Variants in NUDT3 observed in about 807,000 individuals in gnomAD.
NUDT3 encodes diphosphoinositol polyphosphate phosphohydrolase 1.
Under a neutral mutation model 23.6 loss-of-function variants are expected in NUDT3, and 9 were observed. The observed-to-expected ratio is 0.38, with a 90% CI of 0.23 to 0.66. NUDT3 has a LOEUF of 0.66. NUDT3 is among the 30% of genes least tolerant of loss of function. The pLI, the probability that NUDT3 is intolerant of heterozygous loss-of-function variation, is 0.52. For synonymous variants in NUDT3, 86 were observed against 82.6 expected (o/e 1.04, Z -0.22); for missense variants, 172 against 218.5 (o/e 0.79, Z 1.34).
chr6:34,361,463 T>C (rs1292423506), intron 1 of NUDT3, among the ~76,000 whole-genome samples: 1 of 152,188 alleles, frequency 6.6e-6, no homozygotes, highest in Non-Finnish European at 1.5e-5. Context: ...GAAAACAGTT[T>C]GGCAGTTTCT....
At chr6:34,343,264 C>CA (rs1445390784) in intron 1 of NUDT3, among the ~76,000 whole-genome samples, 2 of 151,416 alleles carry the variant, frequency 1.3e-5, no homozygotes, top group African/African-American at 4.8e-5. Context: ...AAAGATACTA[C>CA]AAGAGCCAGG....
intron 2 of NUDT3, among the ~76,000 whole-genome samples, chr6:34,317,774 A>G (rs1476636213): frequency 6.6e-6 from 1 of 152,208 alleles, no homozygotes; most frequent in African/African-American, 2.4e-5. Flanking sequence ...TCACATAAAT[A>G]TATACAAGAG....
chr6:34,388,508 C>T (rs1456213115), intron 1 of NUDT3, among the ~76,000 whole-genome samples: 1 of 152,162 alleles, frequency 6.6e-6, no homozygotes, highest in East Asian at 1.9e-4. Flanking sequence ...CAATGTGTGG[C>T]AGCTAATGCT....
chr6:34,312,617 C>T (rs1763791357), intron 2 of NUDT3, among the ~76,000 whole-genome samples: 1 of 152,126 alleles, frequency 6.6e-6, no homozygotes, highest in Non-Finnish European at 1.5e-5. Flanking sequence ...AAGCTTATGT[C>T]CATGCAAAAA....
chr6:34,339,552 T>C (rs1035927865), intron 2 of NUDT3, among the ~76,000 whole-genome samples: 3 of 152,252 alleles, frequency 2.0e-5, no homozygotes, highest in Admixed American at 2.0e-4. Context: ...TGGCTGATGC[T>C]GATGTTGCTG....
rs146819917 is a variant in NUDT3 at position 34,341,089 on chromosome 6, C to T, written c.210+773G>A. 4.4e-3 allele frequency among the ~76,000 whole-genome samples: 674 copies of T among 152,098 alleles called. 3 individuals carry two copies. Among genetic ancestry groups the T allele is most frequent in the African/African-American group, 0.015 (638 of 41,480 alleles). ...AAAAGCACTACCTATGTGGCCAGGG[C>T]GAGTAAACTGGGGCGATAAAGCTTA... On this transcript the variant is annotated intron_variant, in intron 2 of 4. Coordinates refer to ENST00000607016, the MANE Select transcript of NUDT3 (RefSeq NM_006703.4).
intron 2 of NUDT3, among the ~76,000 whole-genome samples, chr6:34,314,846 A>T (rs1369927219): frequency 6.6e-6 from 1 of 152,180 alleles, no homozygotes. Flanking sequence ...CCTGTGAAGC[A>T]GATATTATAT....
intron 2 of NUDT3, among the ~76,000 whole-genome samples, chr6:34,319,278 T>G (rs1477714325): frequency 6.6e-6 from 1 of 152,070 alleles, no homozygotes; most frequent in Admixed American, 6.6e-5. Flanking sequence ...GAAACCAAGG[T>G]TGAGGGCTCA....
intron 1 of NUDT3, among the ~76,000 whole-genome samples, chr6:34,373,849 G>C (rs941380746): frequency 2.4e-4 from 37 of 152,100 alleles, no homozygotes; most frequent in African/African-American, 8.7e-4. Flanking sequence ...CTGGGAGTCT[G>C]TTTTAGAAAT....
At position 34,392,416 on chromosome 6, in the gene NUDT3, A is replaced by G. The variant is rs1160066730; in HGVS notation, c.-54T>C. 1 of 1,436,654 alleles carries G rather than the reference A, an allele frequency of 7.0e-7. No homozygotes were observed. Among genetic ancestry groups the G allele is most frequent in the Non-Finnish European group, 9.5e-7 (1 of 1,049,700 alleles). 89.0% of individuals were successfully genotyped at this position (1,436,654 alleles called of 1,614,324 possible). A position where few individuals can be genotyped will look rare whatever the true frequency, so the allele number is the denominator to read the frequency against. ...GGGTCGCAGGAGTCGAGGGGTGGGG[A>G]GCCCGCTCTGGACGGCCGCGTGCGC... On this transcript the variant is annotated 5_prime_UTR_variant, in exon 1 of 5. Coordinates refer to ENST00000607016, the MANE Select transcript of NUDT3 (RefSeq NM_006703.4).
intron 2 of NUDT3, among the ~76,000 whole-genome samples, chr6:34,317,853 T>G (rs1763885455): frequency 6.6e-6 from 1 of 152,198 alleles, no homozygotes; most frequent in Non-Finnish European, 1.5e-5. Flanking sequence ...CTAGTCAAAG[T>G]GTCTTTTAAC....
intron 2 of NUDT3, among the ~76,000 whole-genome samples, chr6:34,332,542 T>C (rs1280431033): frequency 6.6e-6 from 1 of 152,196 alleles, no homozygotes; most frequent in Non-Finnish European, 1.5e-5. Context: ...CACATATAAA[T>C]GAACCCGTGC....
rs771836432 is a variant in NUDT3, at chr6:34,312,065, T to C, written c.211-16380A>G. 6.6e-5 allele frequency among the ~76,000 whole-genome samples: 10 copies of C among 151,968 alleles called. No individual in the cohort carries two copies. The South Asian group carries it at 1.2e-3, about 19-fold the overall frequency. ...AAGGCAGAATACCTGAAAGAAAAAA[T>C]TGATAAGATGAACTTCATTAAAATA... On this transcript the variant is annotated intron_variant, in intron 2 of 4. Transcript: ENST00000607016.
intron 1 of NUDT3, among the ~76,000 whole-genome samples, chr6:34,344,506 A>G (rs780064775): frequency 1.3e-5 from 2 of 152,216 alleles, no homozygotes; most frequent in African/African-American, 2.4e-5. Flanking sequence ...GCAAATCCAG[A>G]GAAACAGAAA....
In NUDT3 at chr6:34,374,156, C is replaced by CAAAAAA. The variant is rs397888346; in HGVS notation, c.99+18102_99+18107dup. 1.1e-3 allele frequency among the ~76,000 whole-genome samples: 74 copies of CAAAAAA among 64,718 alleles called. 1 individual carries two copies. The highest frequency in any genetic ancestry group is 3.8e-3 in the African/African-American group (72 of 18,742). The allele number at this position is 64,718 out of a possible 152,430, so 42.5% of individuals were successfully genotyped here. A position where few individuals can be genotyped will look rare whatever the true frequency, so the allele number is the denominator to read the frequency against. On this transcript the variant is annotated intron_variant, in intron 1 of 4. Coordinates refer to ENST00000607016, the MANE Select transcript of NUDT3 (RefSeq NM_006703.4). ...TGGGCGACAGAACAAGGCTCCCTCT[C>CAAAAAA]AAAAAAAAAAAAAAAAAAAAAAAAA... is the stretch of plus-strand genomic sequence containing the variant.
At chr6:34,316,665 A>C (rs1188514246) in intron 2 of NUDT3, among the ~76,000 whole-genome samples, 5 of 152,150 alleles carry the variant, frequency 3.3e-5, no homozygotes, top group Non-Finnish European at 7.3e-5. Flanking sequence ...TTGTATTTCC[A>C]ACCATGGTGA....
chr6:34,369,796 T>G (rs1764798683), intron 1 of NUDT3, among the ~76,000 whole-genome samples: 1 of 151,830 alleles, frequency 6.6e-6, no homozygotes, highest in African/African-American at 2.4e-5. Flanking sequence ...TGGAGGGTCT[T>G]CTCAGGAAAC....
intron 2 of NUDT3, among the ~76,000 whole-genome samples, chr6:34,297,758 T>A (rs1381461600): frequency 3.4e-5 from 3 of 87,036 alleles, no homozygotes; most frequent in African/African-American, 6.0e-5. Flanking sequence ...TATATATATA[T>A]AATTTTTTTT....
At chr6:34,317,975 T>A (rs1763886597) in intron 2 of NUDT3, among the ~76,000 whole-genome samples, 1 of 152,164 alleles carries the variant, frequency 6.6e-6, no homozygotes, top group Non-Finnish European at 1.5e-5. Context: ...ACATTTTAAT[T>A]TAAATTAAAA....
Sources: gnomAD v4.1 joint callset for allele counts (sites outside exome capture counted in the v4.1 genomes callset) on GRCh38, gnomAD v4.1.1 for gene constraint, MANE v1.5 for transcripts, NCBI Gene and HGNC (gene_info 2026-07-23, HGNC 2026-07-21) for gene names.